Variants in SOX30 observed in about 807,000 individuals in gnomAD.
SOX30 encodes the protein SRY-box transcription factor 30.
SOX30 carries 17 observed loss-of-function variants against 58.6 expected under a neutral mutation model. The ratio of observed to expected loss-of-function variants is 0.29; its 90% confidence interval spans 0.20 to 0.44. The LOEUF is 0.44. Among genes scored for constraint, SOX30 ranks in the 20% least tolerant of loss-of-function variants. SOX30 has a pLI of 1.00. For missense variants in SOX30, 951 were observed against 965.8 expected (o/e 0.98, Z 0.20); for synonymous variants, 421 against 400.2 (o/e 1.05, Z -0.62).
upstream of SOX30, among the ~76,000 whole-genome samples, chr5:157,656,577 G>A (rs973470020): frequency 6.6e-6 from 1 of 152,188 alleles, no homozygotes; most frequent in Non-Finnish European, 1.5e-5. Flanking sequence ...TGCACACCTA[G>A]TACATAATTA....
Position 157,626,625 on chromosome 5 carries a change from AT to A in SOX30, c.1976del (p.His659LeufsTer8), listed in dbSNP as rs756127362. ...LSYYEDRYPK[H>X]EGIFSTLNRD... ...TATTTAAAGTTGAAAAGATACCCTC[AT>A]GTTTTGGGTACCTGTCTTCATAATA... On this transcript the variant is annotated frameshift_variant, in exon 5 of 5. Coordinates refer to ENST00000265007, the MANE Select transcript of SOX30 (RefSeq NM_178424.2). LOFTEE classifies it high-confidence loss of function. 1.9e-6 allele frequency: 3 copies of A among 1,614,030 alleles called. No homozygotes were observed. In the African/African-American group the frequency reaches 4.0e-5, roughly 22 times the overall value.
At position 157,651,783 on chromosome 5, in the gene SOX30, C is replaced by A. The variant is rs1243433060; in HGVS notation, c.296G>T (p.Arg99Leu). The A allele has an allele frequency of 1.9e-6, 3 of 1,567,830 alleles. No individual in the cohort carries two copies. The highest frequency in any genetic ancestry group is 8.6e-7 in the Non-Finnish European group (1 of 1,160,372). The change falls in exon 1 of 5, where the codon CGG (arginine) becomes CTG (leucine). Residue 99 changes from arginine to leucine, a missense_variant. Physicochemically the swap from Arg to Leu is moderately radical, Grantham distance 102. This residue lies in a region of SOX30 where 363 missense variants were observed against 294.5 expected (regional missense o/e 1.23). Coordinates refer to ENST00000265007, the MANE Select transcript of SOX30 (RefSeq NM_178424.2). Reference sequence around the variant, plus strand: ...CAGGTCGGGCCTGAACTGCAACAGCCGCGCCTGCGCGGACGAGGCAGCGGC... The same window carrying A: ...CAGGTCGGGCCTGAACTGCAACAGCAGCGCCTGCGCGGACGAGGCAGCGGC... ...EEAAASSAQA[R>L]LLQFRPDLRL...
chr5:157,645,433 G>A (rs1759165106), intron 3 of SOX30, among the ~76,000 whole-genome samples: 1 of 152,174 alleles, frequency 6.6e-6, no homozygotes, highest in African/African-American at 2.4e-5. Context: ...AGAGGTCAAG[G>A]TGGGTGGATC....
At chr5:157,628,094 C>T (rs1758701941) in intron 4 of SOX30, among the ~76,000 whole-genome samples, 1 of 151,868 alleles carries the variant, frequency 6.6e-6, no homozygotes, top group Non-Finnish European at 1.5e-5. Context: ...GCAGGAGGAT[C>T]GTTTGAGCCC....
chr5:157,633,809 T>C (rs536863850), intron 4 of SOX30, among the ~76,000 whole-genome samples: 3 of 152,372 alleles, frequency 2.0e-5, no homozygotes, highest in Non-Finnish European at 2.9e-5. Context: ...ATTTTCCATA[T>C]ATTTCAAGAT....
intron 3 of SOX30, 27 bp downstream of exon 3, chr5:157,646,610 T>C (rs774755446): frequency 3.9e-6 from 6 of 1,535,802 alleles, no homozygotes; most frequent in South Asian, 2.4e-5. Context: ...ATTTAAAAAA[T>C]AGTAATCTAC....
rs546213021 is a variant in SOX30, at chr5:157,638,237, G to A, written c.1873C>T (p.Pro625Ser). ...PYFLPGPHYF[P>S]SSTCPYSRPP... ...AAAAAAATGTTAATTTACCTTGATG[G>A]GAAGTAGTGAGGTCCGGGTAGGAAG... The change falls in exon 4 of 5, where the codon CCA becomes TCA. Residue 625 changes from proline to serine, a missense_variant. Coordinates refer to ENST00000265007, the MANE Select transcript of SOX30 (RefSeq NM_178424.2). 6.6e-7 allele frequency: 1 copy of A among 1,514,050 alleles called. No individual in the cohort carries two copies. Among genetic ancestry groups the A allele is most frequent in the Admixed American group, 2.3e-5 (1 of 44,236 alleles). 93.8% of individuals were successfully genotyped at this position (1,514,050 alleles called of 1,614,324 possible).
chr5:157,633,459 G>C lies in SOX30; in HGVS notation c.1880+4771C>G, dbSNP rs550711044. Among the ~76,000 whole-genome samples the C allele has an allele frequency of 7.2e-5, 11 of 152,312 alleles. No homozygotes were observed. The South Asian group carries it at 1.4e-3, about 20-fold the overall frequency. ...CACATGGTGAGTTCCTTGCTGGGGA[G>C]TTCAGGTAGGTATTAAATTGTTCAT... On this transcript the variant is annotated intron_variant, in intron 4 of 4. Coordinates refer to ENST00000265007, the MANE Select transcript of SOX30 (RefSeq NM_178424.2).
rs570172679 is a variant in SOX30, at chr5:157,632,047, T to TAAAAAAAAAAAAAAAAAAA, written c.1881-5345_1881-5327dup. Among the ~76,000 whole-genome samples, 53 of 56,406 alleles carry TAAAAAAAAAAAAAAAAAAA rather than the reference T, an allele frequency of 9.4e-4. 4 individuals carry two copies. The highest frequency in any genetic ancestry group is 2.9e-3 in the African/African-American group (37 of 12,774). The allele number at this position is 56,406 out of a possible 152,430, so 37.0% of individuals were successfully genotyped here. On this transcript the variant is annotated intron_variant, in intron 4 of 4. Coordinates refer to ENST00000265007, the MANE Select transcript of SOX30 (RefSeq NM_178424.2). ...GACACAGCAAGACCCACCCCGTAAC[T>TAAAAAAAAAAAAAAAAAAA]AAAAAAAAAAAAAAAAAAAAAAAAA...
chr5:157,632,081 T>TAAA (rs1758828093), intron 4 of SOX30, among the ~76,000 whole-genome samples: 1 of 109,930 alleles, frequency 9.1e-6, no homozygotes, highest in Admixed American at 8.3e-5. Flanking sequence ...AAAAAAGAAT[T>TAAA]TTTAGTTGTG....
At chr5:157,661,890 C>CTTTTT (rs200680343) in intron 2 of SOX30, among the ~76,000 whole-genome samples, 2 of 43,702 alleles carry the variant, frequency 4.6e-5, no homozygotes, top group Admixed American at 1.8e-4. Flanking sequence ...AAAGTGTCCC[C>CTTTTT]TTCTATTCTT....
rs570172679 is a variant in SOX30, at chr5:157,632,047, T to TAAAAAAAAAAAAAAAAAAAAA, written c.1881-5347_1881-5327dup. On this transcript the variant is annotated intron_variant, in intron 4 of 4. Transcript: ENST00000265007. ...GACACAGCAAGACCCACCCCGTAAC[T>TAAAAAAAAAAAAAAAAAAAAA]AAAAAAAAAAAAAAAAAAAAAAAAA... Among the ~76,000 whole-genome samples, 26 of 56,394 alleles carry TAAAAAAAAAAAAAAAAAAAAA rather than the reference T, an allele frequency of 4.6e-4. 6 individuals are homozygous for TAAAAAAAAAAAAAAAAAAAAA. Among genetic ancestry groups the TAAAAAAAAAAAAAAAAAAAAA allele is most frequent in the African/African-American group, 1.6e-3 (21 of 12,764 alleles). 37.0% of individuals were successfully genotyped at this position (56,394 alleles called of 152,430 possible). A position where few individuals can be genotyped will look rare whatever the true frequency, so the allele number is the denominator to read the frequency against.
At chr5:157,633,522 G>C (rs948672333) in intron 4 of SOX30, among the ~76,000 whole-genome samples, 5 of 152,256 alleles carry the variant, frequency 3.3e-5, no homozygotes, top group African/African-American at 1.2e-4. Context: ...ACAGCAGAAG[G>C]TATTCTATGT....
intron 2 of SOX30, among the ~76,000 whole-genome samples, chr5:157,666,210 A>G (rs1407335865): frequency 6.6e-6 from 1 of 152,066 alleles, no homozygotes; most frequent in Non-Finnish European, 1.5e-5. Flanking sequence ...GCTGGAGCAC[A>G]GTGGAAAAAT....
In SOX30 at chr5:157,648,862, A is replaced by G. The variant is rs779085695; in HGVS notation, c.1002T>C (p.Asn334=). The change falls in exon 2 of 5, where the codon AAT becomes AAC. Residue 334 remains asparagine (N), a synonymous_variant. Transcript: ENST00000265007. ...CGTTCATGGGTCGCTTCACATGACCATTTCTGTCCTTACTGAAGGGAGTAT... is the reference window on the plus strand; with the variant it reads ...CGTTCATGGGTCGCTTCACATGACCGTTTCTGTCCTTACTGAAGGGAGTAT... ...IPDTPFSKDR[N]GHVKRPMNAF... The G allele has an allele frequency of 3.1e-6, 5 of 1,610,682 alleles. No homozygotes were observed. In the East Asian group the frequency reaches 8.9e-5, roughly 29 times the overall value.
At chr5:157,628,365 TCACACACACA>T (rs70984476) in intron 4 of SOX30, among the ~76,000 whole-genome samples, 7,015 of 139,642 alleles carry the variant, frequency 0.05, 237 homozygotes, top group East Asian at 0.1. Context: ...TTTCTGGCCT[TCACACACACA>T]CACACACACA....
chr5:157,646,237 G>C (rs942891311), intron 3 of SOX30, among the ~76,000 whole-genome samples: 4 of 152,146 alleles, frequency 2.6e-5, no homozygotes, highest in African/African-American at 9.7e-5. Flanking sequence ...TGAGAGAATG[G>C]TCTCAACAAA....
intron 3 of SOX30, among the ~76,000 whole-genome samples, chr5:157,646,365 T>G (rs1001448940): frequency 4.6e-5 from 7 of 152,204 alleles, no homozygotes; most frequent in African/African-American, 1.7e-4. Context: ...AGTTATTTCC[T>G]GCATTATCTG....
At chr5:157,648,188 A>G (rs781656853) in intron 2 of SOX30, among the ~76,000 whole-genome samples, 5 of 152,214 alleles carry the variant, frequency 3.3e-5, no homozygotes, top group Admixed American at 6.5e-5. Flanking sequence ...CTATATCATG[A>G]CAGGGCTAAA....
Sources: allele counts gnomAD v4.1 joint callset (sites outside exome capture counted in the v4.1 genomes callset), GRCh38; gene constraint gnomAD v4.1.1; regional missense constraint gnomAD v4.1.1; transcripts MANE v1.5; gene names NCBI Gene and HGNC (gene_info 2026-07-23, HGNC 2026-07-21).